GRID1: variants seen among roughly 807,000 people sequenced by gnomAD.
GRID1 encodes the protein glutamate ionotropic receptor delta type subunit 1.
A neutral mutation model predicts 98.0 loss-of-function variants in GRID1; 28 were observed. The observed-to-expected ratio is 0.29, with a 90% confidence interval of 0.21 to 0.39. The LOEUF is 0.39. Ranked by LOEUF, GRID1 falls within the 10% of genes least tolerant of loss-of-function variation. The pLI, the probability that GRID1 is intolerant of heterozygous loss-of-function variation, is 1.00. For synonymous variants in GRID1, 553 were observed against 538.5 expected (o/e 1.03, Z -0.37); for missense variants, 1,111 against 1,340.5 (o/e 0.83, Z 2.67).
chr10:86,002,776 T>G (rs1842816885), intron 4 of GRID1, among the ~76,000 whole-genome samples: 2 of 152,224 alleles, frequency 1.3e-5, no homozygotes, highest in Admixed American at 1.3e-4. Flanking sequence ...AAAACCGTGG[T>G]TAATGAGAAT....
chr10:86,235,631 T>C (rs1390571677), intron 2 of GRID1, among the ~76,000 whole-genome samples: 1 of 152,248 alleles, frequency 6.6e-6, no homozygotes, highest in Non-Finnish European at 1.5e-5. Context: ...TGCACATAAA[T>C]GGAATCATAC....
chr10:85,718,261 G>A (rs191738541), intron 12 of GRID1, among the ~76,000 whole-genome samples: 168 of 152,302 alleles, frequency 1.1e-3, no homozygotes, highest in African/African-American at 3.8e-3. Context: ...TGAGGGCCTC[G>A]CTTCTGAAGC....
chr10:86,314,958 C>T (rs1038213510), intron 2 of GRID1, among the ~76,000 whole-genome samples: 5 of 152,098 alleles, frequency 3.3e-5, no homozygotes, highest in Admixed American at 1.3e-4. Flanking sequence ...CCTGCTTGGG[C>T]CTGCAGTCAG....
intron 3 of GRID1, among the ~76,000 whole-genome samples, chr10:86,161,173 G>A (rs1279925625): frequency 6.6e-6 from 1 of 152,196 alleles, no homozygotes; most frequent in African/African-American, 2.4e-5. Context: ...AAAGAACTAA[G>A]GTGTGAGCCA....
chr10:86,273,241 C>T lies in GRID1; in HGVS notation c.236-66593G>A, dbSNP rs552873621. Among the ~76,000 whole-genome samples the T allele has an allele frequency of 4.3e-3, 637 of 148,298 alleles. 5 individuals carry two copies. The highest frequency in any genetic ancestry group is 0.015 in the African/African-American group (605 of 39,344). On this transcript the variant is annotated intron_variant, in intron 2 of 15. Coordinates refer to ENST00000327946, the MANE Select transcript of GRID1 (RefSeq NM_017551.3). ...TCCATGTCCCTACAAAGGACATGAA[C>T]TCATCATTTTTTATGGCTGCATAGT...
intron 4 of GRID1, among the ~76,000 whole-genome samples, chr10:86,035,206 C>T (rs538879799): frequency 6.6e-6 from 1 of 152,258 alleles, no homozygotes; most frequent in East Asian, 1.9e-4. Context: ...ATAGCTGGGG[C>T]TGAGACTTTA....
chr10:85,943,645 C>T (rs1398619657), intron 4 of GRID1, among the ~76,000 whole-genome samples: 1 of 152,112 alleles, frequency 6.6e-6, no homozygotes. Context: ...GAAAAGTCAA[C>T]CTATGTAGTT....
intron 3 of GRID1, among the ~76,000 whole-genome samples, chr10:86,164,988 A>T (rs962494367): frequency 6.6e-5 from 10 of 152,260 alleles, no homozygotes; most frequent in Non-Finnish European, 1.0e-4. Flanking sequence ...GACAGAAGCG[A>T]ATGTTCAGTG....
intron 4 of GRID1, among the ~76,000 whole-genome samples, chr10:86,105,202 T>C (rs1844363221): frequency 6.6e-6 from 1 of 152,166 alleles, no homozygotes; most frequent in African/African-American, 2.4e-5. Context: ...CCCAAATACC[T>C]GAGGAAAGAG....
intron 2 of GRID1, among the ~76,000 whole-genome samples, chr10:86,218,579 G>A (rs1017033421): frequency 6.6e-6 from 1 of 152,202 alleles, no homozygotes; most frequent in African/African-American, 2.4e-5. Context: ...GCAGGGTCTG[G>A]AGGCTATGCT....
At chr10:85,725,393 C>T (rs1189670124) in intron 10 of GRID1, among the ~76,000 whole-genome samples, 1 of 152,120 alleles carries the variant, frequency 6.6e-6, no homozygotes, top group Non-Finnish European at 1.5e-5. Context: ...CTGGATGTGC[C>T]CTACTATGAC....
chr10:85,646,943 T>C (rs1046101265), intron 13 of GRID1: 12 of 516,412 alleles, frequency 2.3e-5, no homozygotes, highest in Admixed American at 6.4e-5. Flanking sequence ...TATGAGCCCA[T>C]GAGGAGGGTG....
At chr10:85,661,838 G>T (rs1437735747) in intron 12 of GRID1, among the ~76,000 whole-genome samples, 3 of 152,178 alleles carry the variant, frequency 2.0e-5, no homozygotes, top group Non-Finnish European at 2.9e-5. Flanking sequence ...ACTTCCAGCA[G>T]GAAAAGCCAA....
chr10:85,690,244 T>C (rs1564560536), intron 12 of GRID1, among the ~76,000 whole-genome samples: 1 of 152,216 alleles, frequency 6.6e-6, no homozygotes, highest in African/African-American at 2.4e-5. Flanking sequence ...TTTATAGCAA[T>C]AAAATTTACA....
At chr10:86,006,055 G>T (rs974760722) in intron 4 of GRID1, among the ~76,000 whole-genome samples, 1 of 152,088 alleles carries the variant, frequency 6.6e-6, no homozygotes, top group African/African-American at 2.4e-5. Context: ...AGAGTGAAGA[G>T]GTTTGTTTTA....
intron 3 of GRID1, among the ~76,000 whole-genome samples, chr10:86,161,834 A>G (rs1845327880): frequency 6.6e-6 from 1 of 152,208 alleles, no homozygotes; most frequent in East Asian, 1.9e-4. Context: ...ATTGATAACA[A>G]CATCTCAATC....
At chr10:85,953,589 T>C (rs1239925594) in intron 4 of GRID1, among the ~76,000 whole-genome samples, 1 of 152,206 alleles carries the variant, frequency 6.6e-6, no homozygotes, top group African/African-American at 2.4e-5. Context: ...AAAAGCCTTC[T>C]CCACTTTGCA....
intron 13 of GRID1, among the ~76,000 whole-genome samples, chr10:85,622,998 C>T (rs1260326208): frequency 6.6e-6 from 1 of 152,172 alleles, no homozygotes; most frequent in Non-Finnish European, 1.5e-5. Flanking sequence ...ATGGACAGGA[C>T]CCTGACAGGG....
At chr10:85,827,790 C>T (rs1842832925) in intron 8 of GRID1, among the ~76,000 whole-genome samples, 1 of 151,934 alleles carries the variant, frequency 6.6e-6, no homozygotes, top group African/African-American at 2.4e-5. Context: ...GCACCAAGGT[C>T]TTCTAAGACC....
Sources: gnomAD v4.1 joint callset for allele counts (sites outside exome capture counted in the v4.1 genomes callset) on GRCh38, gnomAD v4.1.1 for gene constraint, MANE v1.5 for transcripts, NCBI Gene and HGNC (gene_info 2026-07-23, HGNC 2026-07-21) for gene names.